Variants in RAB3GAP2 observed in about 807,000 individuals in gnomAD.
The protein encoded by RAB3GAP2 is RAB3 GTPase activating non-catalytic protein subunit 2, also known as rab3 GTPase-activating protein non-catalytic subunit.
A neutral mutation model predicts 185.3 loss-of-function variants in RAB3GAP2; 87 were observed. The ratio of observed to expected loss-of-function variants is 0.47; its 90% CI spans 0.39 to 0.56. The LOEUF is 0.56. Among genes scored for constraint, RAB3GAP2 ranks in the 20% least tolerant of loss-of-function variants. RAB3GAP2 has a pLI of 0.00. For missense variants in RAB3GAP2, 1,492 were observed against 1,638.2 expected (o/e 0.91, Z 1.54); for synonymous variants, 554 against 576.1 (o/e 0.96, Z 0.55).
Position 220,191,155 on chromosome 1 carries a change from A to T in RAB3GAP2, c.1400T>A (p.Ile467Asn). The change falls in exon 14 of 35, where the codon ATC becomes AAC. Residue 467 changes from isoleucine (I) to asparagine (N), a missense_variant. Transcript: ENST00000358951. ...GPSRVAQFLV[I>N]YAPRRGILEV... The stretch of plus-strand genomic sequence containing the variant: ...TAAAATTCCCCTTCTTGGCGCATAG[A>T]TCACAAGGAATTGAGCTACTCGACT... The T allele has an allele frequency of 6.2e-7, 1 of 1,614,058 alleles. No homozygotes were observed.
intron 2 of RAB3GAP2, among the ~76,000 whole-genome samples, chr1:220,226,492 T>C (rs1659404779): frequency 6.6e-6 from 1 of 151,762 alleles, no homozygotes; most frequent in Non-Finnish European, 1.5e-5. Context: ...AGTCAGCAGA[T>C]GGCATCTACC....
Position 220,199,481 on chromosome 1 carries a change from A to G in RAB3GAP2, c.811+2795T>C, listed in dbSNP as rs573749186. 3.9e-5 allele frequency among the ~76,000 whole-genome samples: 6 copies of G among 152,298 alleles called. No homozygotes were observed. In the East Asian group the frequency reaches 5.8e-4, roughly 15 times the overall value. Reference sequence around the variant, plus strand: ...AAATAACTCCATGTTGTCAAATCCAATGGACCTTCTTCTTTTCTTGAACTC... The same window carrying G: ...AAATAACTCCATGTTGTCAAATCCAGTGGACCTTCTTCTTTTCTTGAACTC... On this transcript the variant is annotated intron_variant, in intron 9 of 34. Transcript: ENST00000358951.
chr1:220,168,204 T>G (rs1456516346), intron 24 of RAB3GAP2, among the ~76,000 whole-genome samples: 1 of 152,152 alleles, frequency 6.6e-6, no homozygotes, highest in African/African-American at 2.4e-5. Flanking sequence ...GTGATTTTCC[T>G]GCCTCAGCCT....
intron 2 of RAB3GAP2, among the ~76,000 whole-genome samples, chr1:220,219,031 A>C (rs1195283286): frequency 6.6e-6 from 1 of 152,244 alleles, no homozygotes; most frequent in Non-Finnish European, 1.5e-5. Flanking sequence ...TTTTAAGCTT[A>C]GCTATAATAT....
At chr1:220,247,116 G>T (rs887762127) in intron 1 of RAB3GAP2, among the ~76,000 whole-genome samples, 6 of 152,078 alleles carry the variant, frequency 3.9e-5, no homozygotes, top group African/African-American at 1.4e-4. Flanking sequence ...ATAGATGTTG[G>T]CATGGATGTG....
intron 17 of RAB3GAP2, among the ~76,000 whole-genome samples, chr1:220,188,034 C>T (rs192102102): frequency 1.3e-5 from 2 of 149,874 alleles, no homozygotes; most frequent in African/African-American, 2.5e-5. Flanking sequence ...GTGTCAGAAT[C>T]GAACTGAATT....
At chr1:220,203,609 T>G (rs76569836) in intron 8 of RAB3GAP2, among the ~76,000 whole-genome samples, 10,498 of 152,132 alleles carry the variant, frequency 0.069, 487 homozygotes, top group South Asian at 0.12. Flanking sequence ...AAAATTAAAT[T>G]GCTGATGATA....
intron 31 of RAB3GAP2, 59 bp downstream of exon 31, chr1:220,157,211 C>A: frequency 7.1e-7 from 1 of 1,410,230 alleles, no homozygotes; most frequent in Non-Finnish European, 9.9e-7. Flanking sequence ...ATATGAAAAT[C>A]CATGTGTCTG....
At chr1:220,249,253 G>C (rs1659885305) in intron 1 of RAB3GAP2, among the ~76,000 whole-genome samples, 1 of 152,126 alleles carries the variant, frequency 6.6e-6, no homozygotes, top group African/African-American at 2.4e-5. Flanking sequence ...ACTCCCTAAA[G>C]ACTTGTTGAA....
intron 2 of RAB3GAP2, among the ~76,000 whole-genome samples, chr1:220,214,486 A>G (rs1323973680): frequency 1.3e-5 from 2 of 152,016 alleles, no homozygotes; most frequent in Non-Finnish European, 2.9e-5. Context: ...AGATCGCACC[A>G]CTACAATCCA....
intron 21 of RAB3GAP2, among the ~76,000 whole-genome samples, chr1:220,178,724 A>G (rs1373005339): frequency 3.3e-5 from 5 of 152,202 alleles, no homozygotes; most frequent in African/African-American, 1.2e-4. Flanking sequence ...AAAAAGACAG[A>G]AAAAAGAGAG....
At chr1:220,163,115 T>C (rs1465904920) in intron 27 of RAB3GAP2, among the ~76,000 whole-genome samples, 2 of 152,038 alleles carry the variant, frequency 1.3e-5, no homozygotes, top group African/African-American at 2.4e-5. Flanking sequence ...CCAACTGGGG[T>C]AACAAAGCAA....
At chr1:220,232,062 T>C (rs1659511967) in intron 2 of RAB3GAP2, among the ~76,000 whole-genome samples, 2 of 152,218 alleles carry the variant, frequency 1.3e-5, no homozygotes, top group African/African-American at 4.8e-5. Context: ...ATAGGAACTT[T>C]GTCTGCCTTG....
chr1:220,168,427 C>T lies in RAB3GAP2; in HGVS notation c.2807-752G>A, dbSNP rs1426172653. On this transcript the variant is annotated intron_variant, in intron 24 of 34. Transcript: ENST00000358951. ...TTTTTTTTTTTTTGAGACAGAGTTTCGCTCTTGTTGTCCAGGCTGGGGTGC... is the reference window on the plus strand; with the variant it reads ...TTTTTTTTTTTTTGAGACAGAGTTTTGCTCTTGTTGTCCAGGCTGGGGTGC... 2.7e-5 allele frequency among the ~76,000 whole-genome samples: 4 copies of T among 147,450 alleles called. No individual in the cohort carries two copies. In the East Asian group the frequency reaches 6.0e-4, roughly 22 times the overall value.
chr1:220,271,934 G>A (rs1332923322), intron 1 of RAB3GAP2, among the ~76,000 whole-genome samples: 1 of 111,412 alleles, frequency 9.0e-6, no homozygotes, highest in African/African-American at 3.4e-5. Context: ...GGGGGTGGGG[G>A]GAGGGAGGGA....
At chr1:220,184,445 G>T (rs1388413985) in intron 18 of RAB3GAP2, among the ~76,000 whole-genome samples, 1 of 151,888 alleles carries the variant, frequency 6.6e-6, no homozygotes, top group East Asian at 1.9e-4. Flanking sequence ...GAAATTATCT[G>T]GAAATACCTT....
intron 1 of RAB3GAP2, among the ~76,000 whole-genome samples, chr1:220,253,129 G>T (rs1053181331): frequency 1.3e-5 from 2 of 152,206 alleles, no homozygotes; most frequent in African/African-American, 2.4e-5. Flanking sequence ...CAACAATGAA[G>T]AACAGCTGCC....
intron 28 of RAB3GAP2, among the ~76,000 whole-genome samples, chr1:220,159,699 A>C (rs1451305465): frequency 6.6e-6 from 1 of 152,140 alleles, no homozygotes; most frequent in Non-Finnish European, 1.5e-5. Context: ...AAATCTGTAC[A>C]GTCAAATAAC....
At chr1:220,164,062 CA>C (rs980469037) in intron 27 of RAB3GAP2, among the ~76,000 whole-genome samples, 2 of 152,050 alleles carry the variant, frequency 1.3e-5, no homozygotes, top group African/African-American at 2.4e-5. Flanking sequence ...AATCTGTTTA[CA>C]AGTTCAATAT....
Sources: allele counts gnomAD v4.1 joint callset (sites outside exome capture counted in the v4.1 genomes callset), GRCh38; gene constraint gnomAD v4.1.1; transcripts MANE v1.5; gene names NCBI Gene and HGNC (gene_info 2026-07-23, HGNC 2026-07-21).